The following MMEL1 variants were observed in gnomAD, a reference collection of about 807,000 sequenced individuals.
MMEL1 encodes membrane metallo-endopeptidase-like 1.
MMEL1 carries 98 observed loss-of-function variants against 117.1 expected under a neutral mutation model. The observed-to-expected ratio is 0.84, with a 90% CI of 0.71 to 0.99. MMEL1 has a LOEUF of 0.99. Among genes scored for constraint, MMEL1 ranks in the 50% least tolerant of loss-of-function variants. The pLI, the probability that MMEL1 is intolerant of heterozygous loss-of-function variation, is 0.00. For missense variants in MMEL1, 1,014 were observed against 1,049.1 expected, an observed-to-expected ratio of 0.97 and a Z score of 0.46; for synonymous variants, 390 against 415.1, an observed-to-expected ratio of 0.94 and a Z score of 0.74.
intron 6 of MMEL1, among the ~76,000 whole-genome samples, chr1:2,608,746 CG>C (rs1557541764): frequency 6.6e-6 from 1 of 152,030 alleles, no homozygotes; most frequent in African/African-American, 2.4e-5. Context: ...GTGACATGCA[CG>C]TAACACACAT....
At chr1:2,605,439 A>G (rs868434850) in intron 9 of MMEL1, 119 bp downstream of exon 9, 47 of 855,318 alleles carry the variant, frequency 5.5e-5, no homozygotes, top group Middle Eastern at 2.8e-4. Flanking sequence ...CTCAACCTCC[A>G]CAGGTGCTCA....
chr1:2,629,359 G>A lies in MMEL1; in HGVS notation c.126C>T (p.Ala42=), dbSNP rs1333555798. The change falls in exon 2 of 24, where the codon GCC becomes GCT. Residue 42 remains alanine, a synonymous_variant. Transcript: ENST00000378412. ...LLLLVTAALV[A]LGVLYADRRG... is the part of the protein sequence containing the mutation. ...TGCGGTCGGCGTAGAGGACACCCAA[G>A]GCCACCAGGGCAGCGGTCACCAGCA... 6.5e-7 allele frequency: 1 copy of A among 1,543,050 alleles called. No individual in the cohort carries two copies. The highest frequency in any genetic ancestry group is 8.7e-7 in the Non-Finnish European group (1 of 1,145,984).
chr1:2,593,893 C>A lies in MMEL1; in HGVS notation c.1788G>T (p.Lys596Asn), dbSNP rs116384702. The A allele has an allele frequency of 1.1e-4, 177 of 1,612,136 alleles. No homozygotes were observed. The African/African-American group carries it at 2.1e-3, about 19-fold the overall frequency. ...AGILQPPFFS[K>N]EQPQALNFGG... is the part of the protein sequence containing the mutation. ...CAAAGTTCAAGGCCTGTGGCTGCTC[C>A]TTGCTGAAGAAGGGGGGCTGGAGGA... Residue 596 changes from lysine to asparagine, a missense_variant, in exon 19 of 24, where the codon AAG (lysine) becomes AAT (asparagine). Physicochemically the swap from Lys to Asn is moderately conservative, Grantham distance 94. Coordinates refer to ENST00000378412, the MANE Select transcript of MMEL1 (RefSeq NM_033467.4).
At chr1:2,604,357 G>T in intron 9 of MMEL1, 76 bp from the exon 10 acceptor site, 1 of 1,576,938 alleles carries the variant, frequency 6.3e-7, no homozygotes, top group Non-Finnish European at 8.6e-7. Flanking sequence ...GTGGGGGTGG[G>T]GTGGGCGTAG....
intron 23 of MMEL1, 131 bp downstream of exon 23, chr1:2,591,426 C>G: frequency 3.9e-6 from 3 of 765,546 alleles, no homozygotes; most frequent in South Asian, 1.5e-5. Context: ...CCAGAAGCCC[C>G]TCTCAGGTTT....
chr1:2,604,135 C>CCCCCCCCAAACAGT lies in MMEL1; in HGVS notation c.951+11_951+12insACTGTTTGGGGGGG. On this transcript the variant is annotated intron_variant, in intron 10 of 23. Transcript: ENST00000378412. ...CTCGCTGCCCGCTCCCCACCCGCCC[C>CCCCCCCCAAACAGT]GGCCCCCTTACCTTGGCCAGCTGTG... 6.6e-7 allele frequency: 1 copy of CCCCCCCCAAACAGT among 1,520,164 alleles called. No homozygotes were observed. The highest frequency in any genetic ancestry group is 9.1e-7 in the Non-Finnish European group (1 of 1,100,356). The allele number at this position is 1,520,164 out of a possible 1,614,324, so 94.2% of individuals were successfully genotyped here. A position where few individuals can be genotyped will look rare whatever the true frequency, so the allele number is the denominator to read the frequency against.
At chr1:2,618,935 T>C (rs1048462022) in intron 2 of MMEL1, among the ~76,000 whole-genome samples, 12 of 152,212 alleles carry the variant, frequency 7.9e-5, no homozygotes, top group African/African-American at 2.9e-4. Context: ...CTTCTCTGCA[T>C]CCGTGCCTTG....
At position 2,622,816 on chromosome 1, in the gene MMEL1, G is replaced by A. The variant is rs369746237; in HGVS notation, c.154+6515C>T. On this transcript the variant is annotated intron_variant, in intron 2 of 23. Transcript: ENST00000378412. The stretch of plus-strand genomic sequence containing the variant: ...AGGAGAATCGCTTGAATCTGGGGGC[G>A]AAGGTTGCAGTGAGCCAAAATAGTG... Among the ~76,000 whole-genome samples, 84 of 149,712 alleles carry A rather than the reference G, an allele frequency of 5.6e-4. 2 individuals carry two copies. Among genetic ancestry groups the A allele is most frequent in the South Asian group, 4.2e-3 (20 of 4,706 alleles).
rs1482402314 is a variant in MMEL1, at chr1:2,612,219, A to C, written c.155-15T>G. 5.1e-6 allele frequency: 8 copies of C among 1,560,838 alleles called. No homozygotes were observed. The African/African-American group carries it at 9.5e-5, about 19-fold the overall frequency. ...CAGCTGCTTCCCTGGGGAGAAACAC[A>C]GCGCTCAGCTGCGGCCTCCTGCCTG... On this transcript the variant is annotated splice_polypyrimidine_tract_variant and intron_variant, in intron 2 of 23. Coordinates refer to ENST00000378412, the MANE Select transcript of MMEL1 (RefSeq NM_033467.4). This position sits in a 1 kb window ranked among gnomAD's most constrained non-coding sequence, Gnocchi z 5.4.
chr1:2,591,502 G>T (rs376205311), intron 23 of MMEL1, 55 bp downstream of exon 23: 177 of 1,401,692 alleles, frequency 1.3e-4, no homozygotes, highest in Middle Eastern at 3.5e-4. Flanking sequence ...AGGCCACTGG[G>T]GTGGGGGTGA....
chr1:2,631,738 G>A (rs1163900406), intron 1 of MMEL1, among the ~76,000 whole-genome samples: 1 of 152,080 alleles, frequency 6.6e-6, no homozygotes, highest in African/African-American at 2.4e-5. Flanking sequence ...CCCGCCACTG[G>A]CTGAAGCTGG....
intron 2 of MMEL1, among the ~76,000 whole-genome samples, chr1:2,627,256 G>A (rs151128747): frequency 8.7e-4 from 132 of 152,266 alleles, no homozygotes; most frequent in African/African-American, 3.1e-3. Context: ...TAGTAATATC[G>A]CCTTAAATAG....
chr1:2,632,917 G>C lies in MMEL1; in HGVS notation c.-89C>G, dbSNP rs1638658165. 5.1e-6 allele frequency: 5 copies of C among 985,550 alleles called. 1 individual carries two copies. The South Asian group carries it at 2.3e-4, about 46-fold the overall frequency. The allele number at this position is 985,550 out of a possible 1,614,324, so 61.1% of individuals were successfully genotyped here. ...CCCACAGTCAGGCCCCTGGAGACTG[G>C]GTCCCAGTGGGTTGGAGTTGGGGTG... On this transcript the variant is annotated 5_prime_UTR_variant, in exon 1 of 24. Transcript: ENST00000378412.
At chr1:2,593,434 G>C (rs750337054) in intron 19 of MMEL1, among the ~76,000 whole-genome samples, 1 of 152,208 alleles carries the variant, frequency 6.6e-6, no homozygotes, top group South Asian at 2.1e-4. Context: ...TGGCCATGGC[G>C]GGGGTAGCAC....
At chr1:2,629,155 G>C (rs1009555743) in intron 2 of MMEL1, among the ~76,000 whole-genome samples, 176 bp downstream of exon 2, 1 of 152,112 alleles carries the variant, frequency 6.6e-6, no homozygotes, top group Non-Finnish European at 1.5e-5. Context: ...TGCCCCTCCC[G>C]CCGCCTCTGA....
At chr1:2,596,225 G>T in intron 14 of MMEL1, 118 bp from the exon 15 acceptor site, 1 of 954,692 alleles carries the variant, frequency 1.0e-6, no homozygotes, top group Non-Finnish European at 1.6e-6. Flanking sequence ...GGGCTGCCCA[G>T]CTGTGGGCCT....
At chr1:2,596,967 T>C (rs780352779) in intron 13 of MMEL1, among the ~76,000 whole-genome samples, 16 of 152,030 alleles carry the variant, frequency 1.1e-4, no homozygotes, top group Admixed American at 6.5e-5. Flanking sequence ...CCTGTCCTGG[T>C]TGTCTGGCTG....
At chr1:2,608,910 TATATACACATACAC>T (rs970279791) in intron 6 of MMEL1, among the ~76,000 whole-genome samples, 2 of 151,650 alleles carry the variant, frequency 1.3e-5, no homozygotes, top group African/African-American at 2.4e-5. Flanking sequence ...CATGAACACA[TATATACACATACAC>T]GTATACACAT....
chr1:2,604,365 T>C (rs1160180318), intron 9 of MMEL1, 84 bp from the exon 10 acceptor site: 56 of 1,565,606 alleles, frequency 3.6e-5, no homozygotes, highest in Non-Finnish European at 4.9e-5. Flanking sequence ...GGGGTGGGCG[T>C]AGGACATGGG....
Sources: gnomAD v4.1 joint callset for allele counts (sites outside exome capture counted in the v4.1 genomes callset) on GRCh38, gnomAD v4.1.1 for gene constraint, Gnocchi (gnomAD v3.1) non-coding constraint, MANE v1.5 for transcripts, NCBI Gene and HGNC (gene_info 2026-07-23, HGNC 2026-07-21) for gene names.